Variants in IL34 observed in about 807,000 individuals in gnomAD.
IL34 encodes interleukin-34.
IL34 carries 17 observed loss-of-function variants against 25.3 expected under a neutral mutation model. The ratio of observed to expected loss-of-function variants is 0.67; its 90% CI spans 0.46 to 1.01. The LOEUF (loss-of-function observed/expected upper bound fraction) is 1.01, where lower values mean the gene tolerates loss of function less well. Ranked by LOEUF, IL34 falls within the 50% of genes least tolerant of loss-of-function variation. The pLI, the probability that IL34 is intolerant of heterozygous loss-of-function variation, is 0.00. For synonymous variants in IL34, 174 were observed against 140.9 expected, an observed-to-expected ratio of 1.23 and a Z score of -1.66; for missense variants, 368 against 312.9, an observed-to-expected ratio of 1.18 and a Z score of -1.33.
chr16:70,596,648 A>T (rs2050827584), intron 1 of IL34, among the ~76,000 whole-genome samples: 1 of 152,180 alleles, frequency 6.6e-6, no homozygotes, highest in Admixed American at 6.6e-5. Flanking sequence ...CCTGCCAAAA[A>T]TATTTGTGCC....
intron 1 of IL34, among the ~76,000 whole-genome samples, chr16:70,597,116 G>C (rs1016532616): frequency 1.3e-5 from 2 of 152,120 alleles, no homozygotes; most frequent in African/African-American, 4.8e-5. Context: ...GTGCTCTGGG[G>C]TAGTTCCCAA....
chr16:70,599,383 T>G (rs2050881618), intron 1 of IL34, among the ~76,000 whole-genome samples: 2 of 151,100 alleles, frequency 1.3e-5, no homozygotes, highest in African/African-American at 4.9e-5. Context: ...TTCTTCTTTC[T>G]CTCTCTCTTT....
intron 1 of IL34, among the ~76,000 whole-genome samples, chr16:70,601,706 C>A (rs62050276): frequency 0.018 from 2,700 of 152,316 alleles, 54 homozygotes; most frequent in Non-Finnish European, 0.02. Flanking sequence ...TGGCCCCAAT[C>A]CCTTTTTAAT....
chr16:70,660,237 G>A lies in IL34; in HGVS notation c.*50G>A, dbSNP rs749574027. On this transcript the variant is annotated 3_prime_UTR_variant, in exon 6 of 6. Transcript: ENST00000288098. Reference sequence around the variant, plus strand: ...AGGGGCAGCCAGACCAGCTCCCACAGGAGTTCAACTGGGTCTGAGACTTCA... The same window carrying A: ...AGGGGCAGCCAGACCAGCTCCCACAAGAGTTCAACTGGGTCTGAGACTTCA... 5 of 1,483,536 alleles carry A rather than the reference G, an allele frequency of 3.4e-6. No individual in the cohort carries two copies. The highest frequency in any genetic ancestry group is 4.5e-6 in the Non-Finnish European group (5 of 1,110,668). The allele number at this position is 1,483,536 out of a possible 1,614,324, so 91.9% of individuals were successfully genotyped here.
At chr16:70,648,745 C>T (rs1024593630) in intron 1 of IL34, among the ~76,000 whole-genome samples, 5 of 151,908 alleles carry the variant, frequency 3.3e-5, no homozygotes, top group African/African-American at 4.8e-5. Context: ...GTTGGGCTGC[C>T]ATAACCAATT....
At chr16:70,582,623 G>A (rs1387633133) in intron 1 of IL34, among the ~76,000 whole-genome samples, 1 of 152,248 alleles carries the variant, frequency 6.6e-6, no homozygotes, top group African/African-American at 2.4e-5. Flanking sequence ...AGCCCTTACC[G>A]TGGAAGTCAA....
intron 1 of IL34, among the ~76,000 whole-genome samples, chr16:70,650,438 C>A (rs2052050616): frequency 2.0e-5 from 3 of 152,106 alleles, no homozygotes. Context: ...AGTGTCACTC[C>A]AAGGCACAGT....
intron 1 of IL34, among the ~76,000 whole-genome samples, chr16:70,634,225 C>A (rs768237481): frequency 6.6e-6 from 1 of 152,096 alleles, no homozygotes. Context: ...TCTAATTTGA[C>A]TAATGATGTA....
chr16:70,617,837 C>T (rs1489906069), intron 1 of IL34, among the ~76,000 whole-genome samples: 1 of 151,154 alleles, frequency 6.6e-6, no homozygotes, highest in Non-Finnish European at 1.5e-5. Flanking sequence ...GGTGGGAAGG[C>T]TAAACTGAGG....
At position 70,660,087 on chromosome 16, in the gene IL34, C is replaced by T. The variant is rs772052353; in HGVS notation, c.629C>T (p.Thr210Ile). The T allele has an allele frequency of 3.1e-6, 5 of 1,613,588 alleles. No homozygotes were observed. The highest frequency in any genetic ancestry group is 1.6e-4 in the Middle Eastern group (1 of 6,080). The change falls in exon 6 of 6, where the codon ACC (threonine) becomes ATC (isoleucine). Residue 210 changes from threonine to isoleucine, a missense_variant. By Grantham distance (89) the Thr-to-Ile change is moderately conservative. Transcript: ENST00000288098. Reference sequence around the variant, plus strand: ...GAGCCCTCATTGCAGTATGCGGCCACCCAGCTGTACCCTCCGCCCCCGTGG... The same window carrying T: ...GAGCCCTCATTGCAGTATGCGGCCATCCAGCTGTACCCTCCGCCCCCGTGG... The part of the protein sequence containing the change: ...SPEPSLQYAA[T>I]QLYPPPPWSP...
At chr16:70,615,406 T>G (rs1445549735) in intron 1 of IL34, among the ~76,000 whole-genome samples, 7 of 150,716 alleles carry the variant, frequency 4.6e-5, no homozygotes, top group Non-Finnish European at 7.4e-5. Context: ...ACTCAGGAGG[T>G]TGAGGCAGGA....
At chr16:70,648,814 G>A (rs1018533791) in intron 1 of IL34, among the ~76,000 whole-genome samples, 28 of 152,134 alleles carry the variant, frequency 1.8e-4, no homozygotes, top group African/African-American at 4.6e-4. Flanking sequence ...TCTGGAGACC[G>A]GAAGTGTGAG....
intron 1 of IL34, among the ~76,000 whole-genome samples, chr16:70,614,253 A>G (rs942181512): frequency 2.6e-5 from 4 of 151,892 alleles, no homozygotes; most frequent in Non-Finnish European, 5.9e-5. Context: ...CTATATTTTA[A>G]CAAGATTCCA....
chr16:70,605,626 TTTA>T (rs1454297511), intron 1 of IL34, among the ~76,000 whole-genome samples: 13 of 152,136 alleles, frequency 8.5e-5, no homozygotes, highest in African/African-American at 2.9e-4. Context: ...TTGAAGTTCT[TTTA>T]TTATTATTAT....
intron 1 of IL34, among the ~76,000 whole-genome samples, chr16:70,591,838 C>T (rs905025832): frequency 6.6e-6 from 1 of 152,246 alleles, no homozygotes; most frequent in Non-Finnish European, 1.5e-5. Context: ...TCCCTTCCCC[C>T]TGCTGTTGCC....
chr16:70,630,003 C>A (rs1170631171), intron 1 of IL34, among the ~76,000 whole-genome samples: 1 of 152,174 alleles, frequency 6.6e-6, no homozygotes, highest in Admixed American at 6.5e-5. Flanking sequence ...TTCCTCCCAC[C>A]CAGCAACAAT....
At chr16:70,638,463 A>C (rs544438379) in intron 1 of IL34, among the ~76,000 whole-genome samples, 47 of 152,142 alleles carry the variant, frequency 3.1e-4, no homozygotes, top group Non-Finnish European at 7.4e-5. Flanking sequence ...AAAAGAAAAA[A>C]AGAAAAGAAC....
intron 1 of IL34, among the ~76,000 whole-genome samples, chr16:70,589,011 G>T (rs1301597179): frequency 6.6e-6 from 1 of 151,980 alleles, no homozygotes; most frequent in East Asian, 1.9e-4. Context: ...TAATGCCACT[G>T]GGAAAAAAAT....
At chr16:70,588,233 C>T (rs1216260595) in intron 1 of IL34, among the ~76,000 whole-genome samples, 2 of 152,042 alleles carry the variant, frequency 1.3e-5, no homozygotes, top group East Asian at 1.9e-4. Flanking sequence ...TGCGTGTAAT[C>T]CCAGCACTTT....
Sources: allele counts gnomAD v4.1 joint callset (sites outside exome capture counted in the v4.1 genomes callset), GRCh38; gene constraint gnomAD v4.1.1; transcripts MANE v1.5; gene names NCBI Gene and HGNC (gene_info 2026-07-23, HGNC 2026-07-21).